Variants in SCARA5 observed in about 807,000 individuals in gnomAD.
SCARA5 encodes the protein scavenger receptor class A member 5, also known as scavenger receptor class A, member 5 (putative).
A neutral mutation model predicts 46.3 loss-of-function variants in SCARA5; 45 were observed. That is an observed-to-expected ratio of 0.97 (90% CI 0.76 to 1.24). The LOEUF (loss-of-function observed/expected upper bound fraction) is 1.24, where lower values mean the gene tolerates loss of function less well. SCARA5 is among the 50% of genes most tolerant of loss of function. SCARA5 has a pLI of 0.00. For missense variants in SCARA5, 680 were observed against 689.0 expected (o/e 0.99, Z 0.15); for synonymous variants, 333 against 306.5 (o/e 1.09, Z -0.90).
At chr8:27,954,532 A>G (rs1279188175) in intron 3 of SCARA5, among the ~76,000 whole-genome samples, 1 of 152,178 alleles carries the variant, frequency 6.6e-6, no homozygotes, top group Non-Finnish European at 1.5e-5. Flanking sequence ...CATGTATGTC[A>G]TAGTTACATT....
intron 1 of SCARA5, among the ~76,000 whole-genome samples, chr8:27,991,280 C>G (rs1808782668): frequency 6.6e-6 from 1 of 152,186 alleles, no homozygotes; most frequent in Non-Finnish European, 1.5e-5. Context: ...ACTTTATGAA[C>G]AAGGTCACTC....
intron 8 of SCARA5, among the ~76,000 whole-genome samples, chr8:27,875,341 C>T (rs534800214): frequency 3.9e-5 from 6 of 152,222 alleles, no homozygotes; most frequent in Middle Eastern, 3.4e-3. Context: ...AGGTGAAGCC[C>T]TCAAGATGTT....
At position 27,871,721 on chromosome 8, in the gene SCARA5, A is replaced by C. The variant is rs1024224173; in HGVS notation, c.*213T>G. ...TGCAGGAACCTGGTGGAAGAGAGAG[A>C]CGGGCAGTAGGTCCCAGAGTTATAC... On this transcript the variant is annotated 3_prime_UTR_variant, in exon 9 of 9. Transcript: ENST00000354914. The C allele has an allele frequency of 2.9e-6, 4 of 1,403,364 alleles. No individual in the cohort carries two copies. Among genetic ancestry groups the C allele is most frequent in the Admixed American group, 2.9e-5 (1 of 34,252 alleles). The allele number at this position is 1,403,364 out of a possible 1,614,324, so 86.9% of individuals were successfully genotyped here.
At chr8:27,933,130 G>A (rs1807803392) in intron 3 of SCARA5, among the ~76,000 whole-genome samples, 1 of 152,204 alleles carries the variant, frequency 6.6e-6, no homozygotes, top group Non-Finnish European at 1.5e-5. Context: ...TTAGCAGGAT[G>A]GGTTCCTGCT....
chr8:27,978,193 AT>A (rs34584740), intron 2 of SCARA5, among the ~76,000 whole-genome samples: 6,966 of 137,894 alleles, frequency 0.051, 200 homozygotes, highest in Middle Eastern at 0.087. Context: ...CATCCGGCTA[AT>A]TTTTTTTTTT....
rs558546826 is a variant in SCARA5, at chr8:27,895,433, A to G, written c.1153+9345T>C. 5.3e-5 allele frequency among the ~76,000 whole-genome samples: 8 copies of G among 152,368 alleles called. No homozygotes were observed. In the East Asian group the frequency reaches 1.5e-3, roughly 29 times the overall value. ...GGCTGTCCTGGAGGGCATCGCTTTC[A>G]AAATGTTGTCTGGCCTGTGGGTGTG... On this transcript the variant is annotated intron_variant, in intron 7 of 8. Coordinates refer to ENST00000354914, the MANE Select transcript of SCARA5 (RefSeq NM_173833.6).
At chr8:27,905,726 A>G (rs1163430973) in intron 6 of SCARA5, among the ~76,000 whole-genome samples, 8 of 126,560 alleles carry the variant, frequency 6.3e-5, no homozygotes, top group Non-Finnish European at 3.3e-5. Flanking sequence ...TTTTTTTGAG[A>G]CAGGGTCTCA....
intron 3 of SCARA5, among the ~76,000 whole-genome samples, chr8:27,944,597 C>T (rs1052341071): frequency 6.6e-6 from 1 of 151,722 alleles, no homozygotes; most frequent in African/African-American, 2.4e-5. Context: ...CATGGTGGCT[C>T]ATGCCTGTAA....
At chr8:27,988,462 T>C (rs984751781) in intron 1 of SCARA5, among the ~76,000 whole-genome samples, 5 of 152,184 alleles carry the variant, frequency 3.3e-5, no homozygotes, top group Non-Finnish European at 5.9e-5. Context: ...ACGATCCCAT[T>C]TTGTAAGACA....
chr8:27,942,624 A>T (rs1158958885), intron 3 of SCARA5, among the ~76,000 whole-genome samples: 1 of 152,100 alleles, frequency 6.6e-6, no homozygotes, highest in African/African-American at 2.4e-5. Flanking sequence ...AACTCTGAGC[A>T]CCTGCGTCCA....
intron 7 of SCARA5, among the ~76,000 whole-genome samples, chr8:27,890,088 G>T (rs1806958071): frequency 6.6e-6 from 1 of 152,130 alleles, no homozygotes; most frequent in Non-Finnish European, 1.5e-5. Context: ...TATTGTCTTT[G>T]CCCTGGACTC....
At position 27,898,040 on chromosome 8, in the gene SCARA5, G is replaced by C. The variant is rs138701819; in HGVS notation, c.1153+6738C>G. 2.0e-3 allele frequency among the ~76,000 whole-genome samples: 301 copies of C among 152,338 alleles called. 3 individuals carry two copies. Among genetic ancestry groups the C allele is most frequent in the Non-Finnish European group, 2.0e-3 (135 of 68,034 alleles). ...TCTGGTCTCTCTCCCTCTGGCCAGG[G>C]ATGCTGAAAATATCTTTTAAAGAGA... On this transcript the variant is annotated intron_variant, in intron 7 of 8. Transcript: ENST00000354914.
In SCARA5 at chr8:27,922,049, C is replaced by T. The variant is rs369204683; in HGVS notation, c.438G>A (p.Val146=). 1.3e-6 allele frequency: 2 copies of T among 1,577,690 alleles called. No homozygotes were observed. Among genetic ancestry groups the T allele is most frequent in the Non-Finnish European group, 1.7e-6 (2 of 1,166,620 alleles). ...CCCACAGCGCGCCCTCCAGCCGCTG[C>T]ACTGCGCCCGCCAGCGCCAGCAACG... ...SDSLLALAGA[V]QRLEGALWGL... is the part of the protein sequence containing the mutation. Residue 146 remains valine, a synonymous_variant, in exon 4 of 9, where the codon GTG becomes GTA. Coordinates refer to ENST00000354914, the MANE Select transcript of SCARA5 (RefSeq NM_173833.6).
chr8:27,986,928 G>A (rs1158862108), intron 2 of SCARA5, among the ~76,000 whole-genome samples: 9 of 152,212 alleles, frequency 5.9e-5, no homozygotes, highest in Admixed American at 4.6e-4. Context: ...GTGGAAAAGC[G>A]CTCTGGGCTC....
At chr8:27,958,931 C>A (rs920291045) in intron 3 of SCARA5, among the ~76,000 whole-genome samples, 2 of 152,124 alleles carry the variant, frequency 1.3e-5, no homozygotes, top group Admixed American at 6.5e-5. Context: ...CTATGAGTGT[C>A]ACTAGAAAGT....
chr8:27,895,079 T>G (rs754086521), intron 7 of SCARA5, among the ~76,000 whole-genome samples: 1 of 152,146 alleles, frequency 6.6e-6, no homozygotes, highest in South Asian at 2.1e-4. Context: ...AGCTCCTTTA[T>G]GTTTGTTTTC....
intron 3 of SCARA5, among the ~76,000 whole-genome samples, chr8:27,934,466 C>G (rs1807824528): frequency 6.6e-6 from 1 of 152,164 alleles, no homozygotes; most frequent in Admixed American, 6.6e-5. Flanking sequence ...CTTGGAGCTC[C>G]AGGGGCATCA....
At chr8:27,980,555 C>T (rs1422271281) in intron 2 of SCARA5, among the ~76,000 whole-genome samples, 1 of 152,136 alleles carries the variant, frequency 6.6e-6, no homozygotes, top group Non-Finnish European at 1.5e-5. Flanking sequence ...GGGGATGCTC[C>T]AGGCCATGCC....
At chr8:27,986,344 A>C (rs1276315346) in intron 2 of SCARA5, among the ~76,000 whole-genome samples, 2 of 152,076 alleles carry the variant, frequency 1.3e-5, no homozygotes, top group Non-Finnish European at 2.9e-5. Context: ...TATTATTCAC[A>C]CACATTTTGG....
Sources: gnomAD v4.1 joint callset for allele counts (sites outside exome capture counted in the v4.1 genomes callset) on GRCh38, gnomAD v4.1.1 for gene constraint, MANE v1.5 for transcripts, NCBI Gene and HGNC (gene_info 2026-07-23, HGNC 2026-07-21) for gene names.